The following ACTN4 variants were observed in gnomAD, a reference collection of about 807,000 sequenced individuals.
ACTN4 encodes the protein alpha-actinin-4.
A neutral mutation model predicts 114.2 loss-of-function variants in ACTN4; 18 were observed. The ratio of observed to expected loss-of-function variants is 0.16; its 90% CI spans 0.11 to 0.23. The LOEUF is 0.23. Ranked by LOEUF, ACTN4 falls within the 10% of genes least tolerant of loss-of-function variation. The pLI is 1.00. For missense variants in ACTN4, 722 were observed against 1,262.9 expected (o/e 0.57, Z 6.49); for synonymous variants, 515 against 506.3 (o/e 1.02, Z -0.23).
intron 1 of ACTN4, among the ~76,000 whole-genome samples, chr19:38,664,597 G>T (rs1966899875): frequency 6.6e-6 from 1 of 152,168 alleles, no homozygotes. Context: ...ACCATAGAAG[G>T]ATTCAGTGGA....
At chr19:38,692,753 T>C (rs1213963314) in intron 1 of ACTN4, among the ~76,000 whole-genome samples, 1 of 151,996 alleles carries the variant, frequency 6.6e-6, no homozygotes, top group Non-Finnish European at 1.5e-5. Flanking sequence ...TACCCAGGAA[T>C]AAATAGCTGT....
In ACTN4 at chr19:38,730,926, A is replaced by C; in HGVS notation, c.*1494A>C. On this transcript the variant is annotated 3_prime_UTR_variant, in exon 21 of 21. Coordinates refer to ENST00000252699, the MANE Select transcript of ACTN4 (RefSeq NM_004924.6). ...TGGCTTGAGGCAGGGAGCTCGCAGG[A>C]CAGAGCCTGAGCCACCCTGTCCCTC... The C allele has an allele frequency of 2.6e-6, 4 of 1,550,500 alleles. No homozygotes were observed. Among genetic ancestry groups the C allele is most frequent in the Non-Finnish European group, 3.5e-6 (4 of 1,147,020 alleles).
chr19:38,673,663 A>ATTTATATAT, intron 1 of ACTN4, among the ~76,000 whole-genome samples: 1 of 14,910 alleles, frequency 6.7e-5, no homozygotes, highest in East Asian at 8.2e-4. Flanking sequence ...ATTTATATAT[A>ATTTATATAT]TTATATATAT....
chr19:38,659,403 G>T (rs993521023), intron 1 of ACTN4, among the ~76,000 whole-genome samples: 1 of 152,110 alleles, frequency 6.6e-6, no homozygotes, highest in Non-Finnish European at 1.5e-5. Flanking sequence ...CCATAGGATA[G>T]AATTGAATCC....
At chr19:38,710,438 G>A (rs573966478) in intron 8 of ACTN4, 96 bp downstream of exon 8, 175 of 1,349,892 alleles carry the variant, frequency 1.3e-4, no homozygotes, top group South Asian at 1.5e-4. Context: ...TCTTGCAGAC[G>A]GCAGTGGCCT....
At chr19:38,650,310 G>A (rs958033392) in intron 1 of ACTN4, among the ~76,000 whole-genome samples, 1 of 151,980 alleles carries the variant, frequency 6.6e-6, no homozygotes, top group Non-Finnish European at 1.5e-5. Context: ...GGCTTTGTTC[G>A]TGGTTATAGT....
At chr19:38,686,481 A>T (rs1967746952) in intron 1 of ACTN4, among the ~76,000 whole-genome samples, 1 of 151,166 alleles carries the variant, frequency 6.6e-6, no homozygotes, top group African/African-American at 2.4e-5. Context: ...GTGCCTGATC[A>T]TTTCATAGCA....
intron 1 of ACTN4, among the ~76,000 whole-genome samples, chr19:38,666,190 A>G (rs1384269785): frequency 6.7e-6 from 1 of 149,938 alleles, no homozygotes; most frequent in East Asian, 2.0e-4. Flanking sequence ...TCCTGGGGTC[A>G]CTTCCTGATG....
chr19:38,709,296 G>A (rs1430198846), intron 6 of ACTN4, 99 bp from the exon 7 acceptor site: 13 of 892,940 alleles, frequency 1.5e-5, no homozygotes, highest in Non-Finnish European at 2.1e-5. Flanking sequence ...CCCAACCCTC[G>A]CCCTCCCGGG....
chr19:38,701,930 C>T (rs1046237939), intron 3 of ACTN4, among the ~76,000 whole-genome samples: 3 of 152,226 alleles, frequency 2.0e-5, no homozygotes, highest in Admixed American at 6.5e-5. Flanking sequence ...GCCAAGACTC[C>T]GGGCCAGAAT....
intron 1 of ACTN4, among the ~76,000 whole-genome samples, chr19:38,681,742 C>G (rs1353953777): frequency 6.6e-6 from 1 of 152,204 alleles, no homozygotes; most frequent in Admixed American, 6.5e-5. Context: ...CCCCCAGACC[C>G]TTGGTTGTGA....
chr19:38,657,386 A>G (rs1219137627), intron 1 of ACTN4, among the ~76,000 whole-genome samples: 1 of 152,018 alleles, frequency 6.6e-6, no homozygotes, highest in East Asian at 1.9e-4. Flanking sequence ...TAAGCGATCC[A>G]CCCACCTTGG....
chr19:38,666,229 C>CT (rs1241265328), intron 1 of ACTN4, among the ~76,000 whole-genome samples: 3 of 151,982 alleles, frequency 2.0e-5, no homozygotes, highest in Non-Finnish European at 4.4e-5. Context: ...CCTGTCCCCC[C>CT]CAAAAGCAAT....
At chr19:38,693,088 C>T (rs960168986) in intron 1 of ACTN4, among the ~76,000 whole-genome samples, 9 of 152,110 alleles carry the variant, frequency 5.9e-5, no homozygotes, top group Non-Finnish European at 1.2e-4. Flanking sequence ...TCCTGCTAGG[C>T]GGGTGGGCAG....
chr19:38,665,841 C>CCCTTCTTTCCCT (rs1568682708), intron 1 of ACTN4, among the ~76,000 whole-genome samples: 4 of 151,986 alleles, frequency 2.6e-5, no homozygotes, highest in Non-Finnish European at 4.4e-5. Flanking sequence ...GCTCTTTCCC[C>CCCTTCTTTCCCT]GGGTTCCCTT....
At chr19:38,708,657 G>A (rs1968541658) in intron 6 of ACTN4, among the ~76,000 whole-genome samples, 2 of 152,228 alleles carry the variant, frequency 1.3e-5, no homozygotes, top group Admixed American at 1.3e-4. Context: ...GTGGGGGAAG[G>A]CAGGACAAAA....
Position 38,710,303 on chromosome 19 carries a change from T to C in ACTN4, c.780T>C (p.Tyr260=). 4 of 1,614,128 alleles carry C rather than the reference T, an allele frequency of 2.5e-6. No individual in the cohort carries two copies. Among genetic ancestry groups the C allele is most frequent in the Non-Finnish European group, 3.4e-6 (4 of 1,180,036 alleles). ...CCGACGAGAAGGCCATAATGACCTA[T>C]GTGTCCAGCTTCTACCATGCCTTTT... ...ARPDEKAIMT[Y]VSSFYHAFSG... Residue 260 remains tyrosine, a synonymous_variant, in exon 8 of 21, where the codon TAT becomes TAC. Transcript: ENST00000252699.
Position 38,647,692 on chromosome 19 carries a change from G to A in ACTN4, c.-54G>A. ...GTAGCGGCGGCGGCTCGGGCAGAGG[G>A]GCGGGAGCTGAGGCGGGAGCGGACA... On this transcript the variant is annotated 5_prime_UTR_variant, in exon 1 of 21. Coordinates refer to ENST00000252699, the MANE Select transcript of ACTN4 (RefSeq NM_004924.6). 1 of 1,513,828 alleles carries A rather than the reference G, an allele frequency of 6.6e-7. No homozygotes were observed. The highest frequency in any genetic ancestry group is 2.8e-5 in the East Asian group (1 of 35,990). The allele number at this position is 1,513,828 out of a possible 1,614,324, so 93.8% of individuals were successfully genotyped here.
intron 1 of ACTN4, among the ~76,000 whole-genome samples, chr19:38,659,129 C>T (rs1392458264): frequency 7.5e-6 from 1 of 133,486 alleles, no homozygotes; most frequent in East Asian, 2.4e-4. Flanking sequence ...GGTGCAATCT[C>T]GGCTCATTGC....
Sources: allele counts gnomAD v4.1 joint callset (sites outside exome capture counted in the v4.1 genomes callset), GRCh38; gene constraint gnomAD v4.1.1; transcripts MANE v1.5; gene names NCBI Gene and HGNC (gene_info 2026-07-23, HGNC 2026-07-21).